KLHDC4: variants seen among roughly 807,000 people sequenced by gnomAD.
KLHDC4 encodes kelch domain containing 4, also known as kelch domain-containing protein 4.
KLHDC4 carries 90 observed loss-of-function variants against 62.4 expected under a neutral mutation model. The ratio of observed to expected loss-of-function variants is 1.44; its 90% CI spans 1.22 to 1.72. The LOEUF (loss-of-function observed/expected upper bound fraction) is 1.72. KLHDC4 is among the 40% of genes most tolerant of loss of function. The pLI, the probability that KLHDC4 is intolerant of heterozygous loss-of-function variation, is 0.00. For missense variants in KLHDC4, 1,025 were observed against 699.7 expected, an observed-to-expected ratio of 1.47 and a Z score of -5.25; for synonymous variants, 386 against 284.4, an observed-to-expected ratio of 1.36 and a Z score of -3.59.
At chr16:87,760,476 G>A (rs552043407) in intron 2 of KLHDC4, among the ~76,000 whole-genome samples, 8 of 151,392 alleles carry the variant, frequency 5.3e-5, no homozygotes, top group South Asian at 4.2e-4. Flanking sequence ...GCTTGGTGGC[G>A]GGTGCCTGTA....
At chr16:87,715,284 G>T (rs1047253357) in intron 7 of KLHDC4, among the ~76,000 whole-genome samples, 6 of 152,184 alleles carry the variant, frequency 3.9e-5, no homozygotes, top group East Asian at 1.9e-4. Flanking sequence ...CACTATTTTA[G>T]AAGTTTTGTA....
intron 3 of KLHDC4, chr16:87,756,195 A>G (rs1046601937): frequency 4.5e-6 from 2 of 447,034 alleles, no homozygotes; most frequent in East Asian, 3.5e-5. Context: ...CCAGGAATAG[A>G]GACCCCAGGA....
chr16:87,712,974 G>C (rs1597399881), intron 8 of KLHDC4, among the ~76,000 whole-genome samples: 1 of 152,218 alleles, frequency 6.6e-6, no homozygotes, highest in Non-Finnish European at 1.5e-5. Context: ...CCCTTGATCT[G>C]TGCCTCCTGG....
At position 87,707,873 on chromosome 16, in the gene KLHDC4, C is replaced by A; in HGVS notation, c.*204G>T. Reference sequence around the variant, plus strand: ...AGGCTGCTGAGGGAATCCACCTGCACTGCACTCAGTTGAACTTCCGGCCCA... The same window carrying A: ...AGGCTGCTGAGGGAATCCACCTGCAATGCACTCAGTTGAACTTCCGGCCCA... On this transcript the variant is annotated 3_prime_UTR_variant, in exon 12 of 12. Transcript: ENST00000270583. 2.2e-6 allele frequency: 1 copy of A among 446,432 alleles called. No homozygotes were observed. Among genetic ancestry groups the A allele is most frequent in the Non-Finnish European group, 4.5e-6 (1 of 220,274 alleles). The allele number at this position is 446,432 out of a possible 1,614,324, so 27.7% of individuals were successfully genotyped here.
intron 6 of KLHDC4, among the ~76,000 whole-genome samples, chr16:87,727,230 G>T (rs571782664): frequency 6.6e-6 from 1 of 152,162 alleles, no homozygotes; most frequent in African/African-American, 2.4e-5. Context: ...CCACAAGCAC[G>T]TATGAGTTTG....
At chr16:87,765,644 G>A (rs2046547631) in intron 1 of KLHDC4, 148 bp downstream of exon 1, 1 of 694,812 alleles carries the variant, frequency 1.4e-6, no homozygotes, top group Non-Finnish European at 2.3e-6. Context: ...GCCCGGACGC[G>A]GCGCCGGGGC....
At chr16:87,729,223 C>A (rs984400207) in intron 6 of KLHDC4, 2 of 152,218 alleles carry the variant, frequency 1.3e-5, no homozygotes, top group African/African-American at 4.8e-5. Context: ...GGCGCGGTGG[C>A]TTACGCCTGT....
chr16:87,726,779 C>A lies in KLHDC4; in HGVS notation c.745G>T (p.Gly249Cys). ...TPQGGIVVYG[G>C]YSKQRVKKDV... is the part of the protein sequence containing the mutation. ...CCCCGCCTTACCTGTTTCGAGTAGC[C>A]CCCATAGACGACGATGCCGCCCTGG... is the stretch of plus-strand genomic sequence containing the variant. The change falls in exon 7 of 12, where the codon GGC (glycine) becomes TGC (cysteine). Residue 249 changes from glycine to cysteine, a missense_variant. Gly to Cys is a radical substitution (Grantham distance 159, BLOSUM62 -3). Coordinates refer to ENST00000270583, the MANE Select transcript of KLHDC4 (RefSeq NM_017566.4). 6.3e-7 allele frequency: 1 copy of A among 1,593,080 alleles called. No individual in the cohort carries two copies. The highest frequency in any genetic ancestry group is 8.5e-7 in the Non-Finnish European group (1 of 1,171,894).
intron 1 of KLHDC4, 44 bp from the exon 2 acceptor site, chr16:87,762,084 C>A (rs775932895): frequency 1.2e-6 from 2 of 1,603,610 alleles, no homozygotes; most frequent in Non-Finnish European, 1.7e-6. Context: ...TTCCCAGGAC[C>A]CGCCGCGGAG....
chr16:87,709,602 C>A lies in KLHDC4; in HGVS notation c.1110G>T (p.Arg370Ser). ...GRKEEPEGGS[R>S]PACGGAGTQG... ...GGGTGCCAGCTCCCCCACACGCCGG[C>A]CTGCTACCACCTTCGGGCTCCTCTT... The change falls in exon 10 of 12, where the codon AGG becomes AGT. Residue 370 changes from arginine (R) to serine (S), a missense_variant. Transcript: ENST00000270583. 1 of 1,611,960 alleles carries A rather than the reference C, an allele frequency of 6.2e-7. No individual in the cohort carries two copies. The highest frequency in any genetic ancestry group is 1.1e-5 in the South Asian group (1 of 90,910).
chr16:87,743,521 T>C (rs2042556558), intron 5 of KLHDC4, among the ~76,000 whole-genome samples: 1 of 151,456 alleles, frequency 6.6e-6, no homozygotes, highest in Non-Finnish European at 1.5e-5. Context: ...GGGTGGATCA[T>C]GAGGGTCAGG....
intron 5 of KLHDC4, among the ~76,000 whole-genome samples, chr16:87,746,983 A>G (rs2043133542): frequency 6.6e-6 from 1 of 152,256 alleles, no homozygotes; most frequent in African/African-American, 2.4e-5. Flanking sequence ...CTGGAGCTGC[A>G]CACGAGGTAG....
At position 87,743,391 on chromosome 16, in the gene KLHDC4, G is replaced by A. The variant is rs904232668; in HGVS notation, c.506+5282C>T. Among the ~76,000 whole-genome samples, 9 of 152,152 alleles carry A rather than the reference G, an allele frequency of 5.9e-5. No homozygotes were observed. The East Asian group carries it at 9.7e-4, about 16-fold the overall frequency. ...ATTACAGGCATGAGCCACTGCACCC[G>A]GCCTGGACTCTACAATTCTACTTCA... On this transcript the variant is annotated intron_variant, in intron 5 of 11. Transcript: ENST00000270583.
At chr16:87,729,455 C>T (rs146282964) in intron 6 of KLHDC4, 11 of 152,400 alleles carry the variant, frequency 7.2e-5, no homozygotes, top group African/African-American at 2.6e-4. Context: ...AGCAGAGAGC[C>T]TTCAAAGATG....
chr16:87,713,125 G>A (rs1362658721), intron 8 of KLHDC4, among the ~76,000 whole-genome samples: 1 of 152,208 alleles, frequency 6.6e-6, no homozygotes, highest in East Asian at 1.9e-4. Context: ...TCCACCTCCT[G>A]GGCTAGAACA....
In KLHDC4 at chr16:87,759,192, AAAAAT is replaced by A. The variant is rs533590002; in HGVS notation, c.192-2720_192-2716del. Reference sequence around the variant, plus strand: ...TGTCTCAAAAAAACCAAAACCAAACAAAAATAAAATAAAATGGCAAATTTTGTTAA... The same window carrying A: ...TGTCTCAAAAAAACCAAAACCAAACAAAAATAAAATGGCAAATTTTGTTAA... On this transcript the variant is annotated intron_variant, in intron 2 of 11. Transcript: ENST00000270583. 2.6e-3 allele frequency among the ~76,000 whole-genome samples: 391 copies of A among 152,086 alleles called. 2 individuals are homozygous for A. Among genetic ancestry groups the A allele is most frequent in the Non-Finnish European group, 3.9e-3 (264 of 67,974 alleles).
chr16:87,725,998 G>A (rs866230630), intron 7 of KLHDC4, among the ~76,000 whole-genome samples: 1 of 152,116 alleles, frequency 6.6e-6, no homozygotes, highest in East Asian at 1.9e-4. Context: ...ACAGGGGTGT[G>A]GAGAACAGAA....
At chr16:87,746,279 GAAGA>G (rs752058713) in intron 5 of KLHDC4, among the ~76,000 whole-genome samples, 29 of 150,924 alleles carry the variant, frequency 1.9e-4, no homozygotes, top group Non-Finnish European at 3.5e-4. Context: ...CTTGAAGAAG[GAAGA>G]AAGAAAGAAA....
At chr16:87,699,992 G>C (rs2142870563) in exon 1 of KLHDC4, 1 of 152,342 alleles carries the variant, frequency 6.6e-6, no homozygotes. Context: ...TCCTTCCCCG[G>C]GAGGTTTTAT....
Sources: allele counts gnomAD v4.1 joint callset (sites outside exome capture counted in the v4.1 genomes callset), GRCh38; gene constraint gnomAD v4.1.1; transcripts MANE v1.5; gene names NCBI Gene and HGNC (gene_info 2026-07-23, HGNC 2026-07-21).